CHCHD3: variants seen among roughly 807,000 people sequenced by gnomAD.
The protein encoded by CHCHD3 is coiled-coil-helix-coiled-coil-helix domain containing 3, also known as MICOS complex subunit MIC19.
In CHCHD3, 20 loss-of-function variants were observed where a neutral mutation model predicts 38.2. The ratio of observed to expected loss-of-function variants is 0.52; its 90% CI spans 0.37 to 0.76. CHCHD3 has a LOEUF of 0.76. Among genes scored for constraint, CHCHD3 ranks in the 30% least tolerant of loss-of-function variants. The pLI, the probability that CHCHD3 is intolerant of heterozygous loss-of-function variation, is 0.00. For synonymous variants in CHCHD3, 82 were observed against 100.0 expected (o/e 0.82, Z 1.07); for missense variants, 245 against 279.2 (o/e 0.88, Z 0.87).
chr7:132,818,343 C>T (rs1385936753), intron 6 of CHCHD3, among the ~76,000 whole-genome samples: 1 of 152,158 alleles, frequency 6.6e-6, no homozygotes, highest in Non-Finnish European at 1.5e-5. Context: ...AAGGTAGTGA[C>T]CCACTAGGTT....
At chr7:132,942,184 G>A (rs1185884775) in intron 4 of CHCHD3, among the ~76,000 whole-genome samples, 1 of 152,076 alleles carries the variant, frequency 6.6e-6, no homozygotes, top group African/African-American at 2.4e-5. Flanking sequence ...GTGGAGAGAG[G>A]GAAGGGGCAG....
chr7:133,053,670 G>T (rs1419690868), intron 2 of CHCHD3, among the ~76,000 whole-genome samples: 1 of 152,138 alleles, frequency 6.6e-6, no homozygotes, highest in Non-Finnish European at 1.5e-5. Flanking sequence ...CTTCAAAATA[G>T]TTGGCAATTA....
At chr7:132,994,410 A>G (rs2117377537) in intron 3 of CHCHD3, among the ~76,000 whole-genome samples, 1 of 152,320 alleles carries the variant, frequency 6.6e-6, no homozygotes, top group African/African-American at 2.4e-5. Context: ...TAAGTTCAAG[A>G]TTAAACTTCA....
rs1380063931 is a variant in CHCHD3, at chr7:132,798,057, A to C, written c.525-1480T>G. On this transcript the variant is annotated intron_variant, in intron 6 of 7. Coordinates refer to ENST00000262570, the MANE Select transcript of CHCHD3 (RefSeq NM_017812.4). ...AAAACCCCTAGAGAACACAGGGGGA[A>C]TATTTCTCATCAATAAGGAAACGCC... is the stretch of plus-strand genomic sequence containing the variant. Among the ~76,000 whole-genome samples, 3 of 152,134 alleles carry C rather than the reference A, an allele frequency of 2.0e-5. No individual in the cohort carries two copies. In the East Asian group the frequency reaches 5.8e-4, roughly 29 times the overall value.
chr7:132,985,238 G>A (rs1376578578), intron 3 of CHCHD3, among the ~76,000 whole-genome samples: 17 of 76,490 alleles, frequency 2.2e-4, no homozygotes, highest in African/African-American at 3.4e-4. Flanking sequence ...CGCCCCATCC[G>A]GGAGGGAGGT....
At chr7:132,789,572 C>CT (rs1212071131) in intron 7 of CHCHD3, among the ~76,000 whole-genome samples, 2 of 152,168 alleles carry the variant, frequency 1.3e-5, no homozygotes, top group African/African-American at 4.8e-5. Flanking sequence ...AAGCAGTAAT[C>CT]TCATCAACTG....
Position 132,796,979 on chromosome 7 carries a change from C to CA in CHCHD3, c.525-403dup, listed in dbSNP as rs1585521800. The stretch of plus-strand genomic sequence containing the variant: ...ACACTCACTGTCGTTACATTGCTTC[C>CA]AAGTGAGCCACATCCTGAATTCAAG... On this transcript the variant is annotated intron_variant, in intron 6 of 7. Coordinates refer to ENST00000262570, the MANE Select transcript of CHCHD3 (RefSeq NM_017812.4). 2.6e-5 allele frequency among the ~76,000 whole-genome samples: 4 copies of CA among 152,266 alleles called. No homozygotes were observed. The East Asian group carries it at 7.7e-4, about 29-fold the overall frequency.
At chr7:132,871,894 A>G (rs1808775583) in intron 5 of CHCHD3, among the ~76,000 whole-genome samples, 1 of 152,242 alleles carries the variant, frequency 6.6e-6, no homozygotes, top group South Asian at 2.1e-4. Context: ...AGCATTATGG[A>G]TGTATTTGTC....
intron 3 of CHCHD3, among the ~76,000 whole-genome samples, chr7:133,015,618 G>A (rs1482286148): frequency 6.6e-6 from 1 of 152,032 alleles, no homozygotes; most frequent in Non-Finnish European, 1.5e-5. Flanking sequence ...TCCCACAATT[G>A]TAAATGAAAG....
chr7:132,830,370 G>T (rs1807616399), intron 6 of CHCHD3, among the ~76,000 whole-genome samples: 1 of 152,194 alleles, frequency 6.6e-6, no homozygotes, highest in Non-Finnish European at 1.5e-5. Context: ...GGAAGGAGCT[G>T]CATCATCTAC....
At chr7:132,889,760 G>A (rs1417092070) in intron 4 of CHCHD3, among the ~76,000 whole-genome samples, 1 of 152,154 alleles carries the variant, frequency 6.6e-6, no homozygotes, top group African/African-American at 2.4e-5. Flanking sequence ...AAAGTCACAC[G>A]ATATGAATCC....
intron 5 of CHCHD3, among the ~76,000 whole-genome samples, chr7:132,863,407 C>T (rs1372181686): frequency 6.6e-6 from 1 of 152,104 alleles, no homozygotes; most frequent in Non-Finnish European, 1.5e-5. Context: ...TTCAGTAAAC[C>T]AGGCTGTAAA....
intron 6 of CHCHD3, among the ~76,000 whole-genome samples, chr7:132,807,020 G>A (rs1039671575): frequency 6.6e-6 from 1 of 152,216 alleles, no homozygotes; most frequent in Non-Finnish European, 1.5e-5. Context: ...ATGGGGAGGA[G>A]TGGAAGGAAA....
intron 2 of CHCHD3, among the ~76,000 whole-genome samples, chr7:133,052,447 A>G (rs780761622): frequency 7.9e-5 from 12 of 152,196 alleles, no homozygotes; most frequent in Admixed American, 2.6e-4. Context: ...AAATTATATC[A>G]ACTATTATAA....
intron 4 of CHCHD3, chr7:132,973,260 T>G: frequency 1.0e-6 from 1 of 985,402 alleles, no homozygotes. Context: ...TTCTGCCCGC[T>G]GGAAACTAAG....
chr7:133,052,762 A>C (rs1227318790), intron 2 of CHCHD3, among the ~76,000 whole-genome samples: 2 of 152,162 alleles, frequency 1.3e-5, no homozygotes, highest in Admixed American at 6.5e-5. Context: ...AAACCCTCTC[A>C]CAAGACATAT....
chr7:132,908,263 C>T (rs1465427734), intron 4 of CHCHD3, among the ~76,000 whole-genome samples: 1 of 152,102 alleles, frequency 6.6e-6, no homozygotes, highest in African/African-American at 2.4e-5. Context: ...TGGGAGTATT[C>T]CTGTGTCCAA....
At chr7:132,940,905 T>C (rs1380256893) in intron 4 of CHCHD3, among the ~76,000 whole-genome samples, 1 of 152,148 alleles carries the variant, frequency 6.6e-6, no homozygotes, top group Admixed American at 6.5e-5. Context: ...GTTTTCATTT[T>C]TAGTAGAAGA....
intron 3 of CHCHD3, among the ~76,000 whole-genome samples, chr7:132,993,482 C>A (rs1562932047): frequency 6.6e-6 from 1 of 152,222 alleles, no homozygotes; most frequent in Non-Finnish European, 1.5e-5. Context: ...TCTTCCAAGA[C>A]ACACCTCTTC....
Sources: allele counts gnomAD v4.1 joint callset (sites outside exome capture counted in the v4.1 genomes callset), GRCh38; gene constraint gnomAD v4.1.1; transcripts MANE v1.5; gene names NCBI Gene and HGNC (gene_info 2026-07-23, HGNC 2026-07-21).